Variants in TMEM184B observed in about 807,000 individuals in gnomAD.
TMEM184B encodes transmembrane protein 184B, also known as putative MAPK-activating protein FM08.
A neutral mutation model predicts 41.8 loss-of-function variants in TMEM184B; 17 were observed. That is an observed-to-expected ratio of 0.41 (90% CI 0.28 to 0.61). The LOEUF (loss-of-function observed/expected upper bound fraction) is 0.61, where lower values mean the gene tolerates loss of function less well. Among genes scored for constraint, TMEM184B ranks in the 20% least tolerant of loss-of-function variants. The pLI is 0.34. For synonymous variants in TMEM184B, 240 were observed against 229.5 expected (o/e 1.05, Z -0.41); for missense variants, 393 against 557.8 (o/e 0.70, Z 2.98).
At chr22:38,236,617 G>A (rs1398361516) in intron 3 of TMEM184B, among the ~76,000 whole-genome samples, 1 of 151,974 alleles carries the variant, frequency 6.6e-6, no homozygotes, top group Non-Finnish European at 1.5e-5. Flanking sequence ...CTGAGTAGCT[G>A]GGACTACAGG....
At chr22:38,256,545 T>G (rs563280418) in intron 1 of TMEM184B, among the ~76,000 whole-genome samples, 1 of 152,244 alleles carries the variant, frequency 6.6e-6, no homozygotes, top group East Asian at 1.9e-4. Flanking sequence ...CCTTATTGAT[T>G]GCTTTTCCAC....
At chr22:38,268,374 C>CAAAAAA (rs34786032) in intron 1 of TMEM184B, among the ~76,000 whole-genome samples, 1 of 121,748 alleles carries the variant, frequency 8.2e-6, no homozygotes, top group Non-Finnish European at 1.7e-5. Flanking sequence ...GACCCTGTCT[C>CAAAAAA]AAAAAAAAAA....
At chr22:38,235,762 T>C (rs2267380) in intron 3 of TMEM184B, among the ~76,000 whole-genome samples, 88,023 of 152,066 alleles carry the variant, frequency 0.58, 27,373 homozygotes, top group African/African-American at 0.82. Flanking sequence ...CTCCAACATC[T>C]TAGCAAAGGT....
rs1602346297 is a variant in TMEM184B, at chr22:38,219,945, A to G, written c.*1524T>C. The G allele has an allele frequency of 2.0e-6, 2 of 985,296 alleles. No individual in the cohort carries two copies. The highest frequency in any genetic ancestry group is 4.7e-5 in the South Asian group (1 of 21,274). The allele number at this position is 985,296 out of a possible 1,614,324, so 61.0% of individuals were successfully genotyped here. ...AGGCCAGGAAGACGGCTGGGCCCCA[A>G]CTCTCCTCACAGGTGGCAGGGAGGG... is the stretch of plus-strand genomic sequence containing the variant. On this transcript the variant is annotated 3_prime_UTR_variant, in exon 9 of 9. Coordinates refer to ENST00000361906, the MANE Select transcript of TMEM184B (RefSeq NM_012264.5).
At chr22:38,231,738 C>T (rs951928061) in intron 3 of TMEM184B, 91 of 363,446 alleles carry the variant, frequency 2.5e-4, no homozygotes, top group African/African-American at 1.9e-3. Flanking sequence ...CAGTGGCATG[C>T]GCCTGTGGTC....
intron 5 of TMEM184B, among the ~76,000 whole-genome samples, chr22:38,227,670 G>C (rs779040862): frequency 3.3e-5 from 5 of 152,168 alleles, no homozygotes; most frequent in Non-Finnish European, 5.9e-5. Context: ...AGCTTGGGCA[G>C]ACACTTGGCC....
chr22:38,237,247 C>T (rs2091796511), intron 3 of TMEM184B, among the ~76,000 whole-genome samples: 1 of 152,240 alleles, frequency 6.6e-6, no homozygotes, highest in South Asian at 2.1e-4. Flanking sequence ...AGGCATGGAG[C>T]ACCTAAGACA....
rs118149982 is a variant in TMEM184B, at chr22:38,263,614, C to T, written c.-59+9270G>A. 1.9e-3 allele frequency among the ~76,000 whole-genome samples: 290 copies of T among 152,240 alleles called. 1 individual carries two copies. The highest frequency in any genetic ancestry group is 3.0e-3 in the Non-Finnish European group (203 of 68,018). Reference sequence around the variant, plus strand: ...GCTATTAAAAATAAGGCAACAATGACGAACCTTGCAAATAAATCATTTTGC... The same window carrying T: ...GCTATTAAAAATAAGGCAACAATGATGAACCTTGCAAATAAATCATTTTGC... On this transcript the variant is annotated intron_variant, in intron 1 of 8. Coordinates refer to ENST00000361906, the MANE Select transcript of TMEM184B (RefSeq NM_012264.5).
intron 3 of TMEM184B, chr22:38,231,783 C>T (rs147743143): frequency 1.1e-3 from 370 of 350,904 alleles, no homozygotes; most frequent in African/African-American, 7.3e-3. Flanking sequence ...CGTCTTGAGT[C>T]TGGGAGTTCT....
At position 38,225,499 on chromosome 22, in the gene TMEM184B, C is replaced by G; in HGVS notation, c.712G>C (p.Glu238Gln). Residue 238 changes from glutamate to glutamine, a missense_variant, in exon 7 of 9, where the codon GAG (glutamate) becomes CAG (glutamine). By Grantham distance (29) the Glu-to-Gln change is conservative. Around this residue, in one of 2 missense-constraint regions of TMEM184B, gnomAD observed 271 missense variants for 434.1 expected, o/e 0.62. Transcript: ENST00000361906. The surrounding 1 kb of genome is among the most constrained non-coding windows in gnomAD (Gnocchi z 4.4). ...ACGGGGCTGTAGGGGCTGAGCAGCTCCCGGGTGGCGAAGTAGAAGAGGAAG... is the reference window on the plus strand; with the variant it reads ...ACGGGGCTGTAGGGGCTGAGCAGCTGCCGGGTGGCGAAGTAGAAGAGGAAG... ...ALFLFYFATRELLSPYSPVLK... is the reference protein window; with the variant it reads ...ALFLFYFATRQLLSPYSPVLK... 6.3e-7 allele frequency: 1 copy of G among 1,596,918 alleles called. No individual in the cohort carries two copies. The highest frequency in any genetic ancestry group is 1.1e-5 in the South Asian group (1 of 89,180).
At chr22:38,233,525 C>T (rs1361847445) in intron 3 of TMEM184B, among the ~76,000 whole-genome samples, 1 of 152,226 alleles carries the variant, frequency 6.6e-6, no homozygotes, top group African/African-American at 2.4e-5. Context: ...TGTGTACTGC[C>T]TGCCTGTGCT....
At chr22:38,254,242 C>T (rs1330065007) in intron 1 of TMEM184B, among the ~76,000 whole-genome samples, 1 of 141,268 alleles carries the variant, frequency 7.1e-6, no homozygotes, top group Admixed American at 7.1e-5. Context: ...AAAAAGAAAA[C>T]CAAACAATCC....
In TMEM184B at chr22:38,261,185, G is replaced by C. The variant is rs188489349; in HGVS notation, c.-59+11699C>G. Among the ~76,000 whole-genome samples, 19 of 152,316 alleles carry C rather than the reference G, an allele frequency of 1.2e-4. No homozygotes were observed. The East Asian group carries it at 3.7e-3, about 29-fold the overall frequency. ...GAGCTTCTGGGCAGCTGCATTATTGGGGGAGGCTGATCCACATCAGAGCAG... is the reference window on the plus strand; with the variant it reads ...GAGCTTCTGGGCAGCTGCATTATTGCGGGAGGCTGATCCACATCAGAGCAG... On this transcript the variant is annotated intron_variant, in intron 1 of 8. Coordinates refer to ENST00000361906, the MANE Select transcript of TMEM184B (RefSeq NM_012264.5).
intron 1 of TMEM184B, among the ~76,000 whole-genome samples, chr22:38,266,575 G>A (rs887011057): frequency 2.0e-5 from 3 of 152,242 alleles, no homozygotes; most frequent in African/African-American, 4.8e-5. Context: ...CGCAAGAGCT[G>A]TTTTAGAACT....
In TMEM184B at chr22:38,245,956, T is replaced by C; in HGVS notation, c.337A>G (p.Thr113Ala). The change falls in exon 3 of 9, where the codon ACC becomes GCC. Residue 113 changes from threonine to alanine, a missense_variant. Thr to Ala is a moderately conservative substitution (Grantham distance 58). This residue lies in a region of TMEM184B where 271 missense variants were observed against 434.1 expected (regional missense o/e 0.62). Transcript: ENST00000361906. ...TCACCCTCATAGCAGTCGCGGACGGTGCCGAAGTACACGTAGTACTGGTCG... is the reference window on the plus strand; with the variant it reads ...TCACCCTCATAGCAGTCGCGGACGGCGCCGAAGTACACGTAGTACTGGTCG... ...TNDQYYVYFG[T>A]VRDCYEALVI... 1 of 1,371,348 alleles carries C rather than the reference T, an allele frequency of 7.3e-7. No individual in the cohort carries two copies. Among genetic ancestry groups the C allele is most frequent in the Admixed American group, 1.9e-5 (1 of 51,880 alleles). The allele number at this position is 1,371,348 out of a possible 1,614,324, so 84.9% of individuals were successfully genotyped here.
At chr22:38,252,432 G>A (rs2092187565) in intron 1 of TMEM184B, among the ~76,000 whole-genome samples, 1 of 152,228 alleles carries the variant, frequency 6.6e-6, no homozygotes, top group Admixed American at 6.5e-5. Context: ...GATGGAAGAT[G>A]CTGAAATCAT....
intron 1 of TMEM184B, chr22:38,272,491 C>G: frequency 2.0e-6 from 2 of 985,606 alleles, no homozygotes; most frequent in Non-Finnish European, 1.2e-6. Context: ...GACGCCTCCC[C>G]CACTCACTCG....
chr22:38,240,524 A>G (rs1000066553), intron 3 of TMEM184B, among the ~76,000 whole-genome samples: 1 of 152,160 alleles, frequency 6.6e-6, no homozygotes, highest in Non-Finnish European at 1.5e-5. Flanking sequence ...GGAATTCCAG[A>G]AAGGGAGATT....
At chr22:38,260,350 C>A (rs2092352561) in intron 1 of TMEM184B, among the ~76,000 whole-genome samples, 1 of 152,160 alleles carries the variant, frequency 6.6e-6, no homozygotes. Flanking sequence ...GCCACCGCAC[C>A]CGACCTAATT....
Sources: gnomAD v4.1 joint callset for allele counts (sites outside exome capture counted in the v4.1 genomes callset) on GRCh38, gnomAD v4.1.1 for gene constraint, gnomAD v4.1.1 regional missense constraint, Gnocchi (gnomAD v3.1) non-coding constraint, MANE v1.5 for transcripts, NCBI Gene and HGNC (gene_info 2026-07-23, HGNC 2026-07-21) for gene names.